The following CNRIP1 variants were observed in gnomAD, a reference collection of about 807,000 sequenced individuals.
The protein encoded by CNRIP1 is cannabinoid receptor interacting protein 1.
CNRIP1 carries 10 observed loss-of-function variants against 15.2 expected under a neutral mutation model. The observed-to-expected ratio is 0.66, with a 90% CI of 0.41 to 1.12. The LOEUF (loss-of-function observed/expected upper bound fraction) is 1.12, where lower values mean the gene tolerates loss of function less well. Ranked by LOEUF, CNRIP1 falls within the 50% of genes most tolerant of loss-of-function variation. The pLI is 0.00. For synonymous variants in CNRIP1, 91 were observed against 83.2 expected (o/e 1.09, Z -0.51); for missense variants, 211 against 214.7 (o/e 0.98, Z 0.11).
intron 2 of CNRIP1, among the ~76,000 whole-genome samples, chr2:68,308,916 C>T (rs1442058913): frequency 1.3e-5 from 2 of 151,806 alleles, no homozygotes; most frequent in East Asian, 1.9e-4. Context: ...ATTCAGAAAA[C>T]AGTCCGAAAA....
chr2:68,313,680 T>C (rs1672173766), intron 2 of CNRIP1, among the ~76,000 whole-genome samples: 1 of 152,166 alleles, frequency 6.6e-6, no homozygotes, highest in South Asian at 2.1e-4. Context: ...TTCAGGGTAA[T>C]AGAAGTGTTC....
At chr2:68,313,291 C>T (rs989748764) in intron 2 of CNRIP1, among the ~76,000 whole-genome samples, 3 of 152,100 alleles carry the variant, frequency 2.0e-5, no homozygotes, top group African/African-American at 7.2e-5. Context: ...CACAGATAAA[C>T]ACATACTTAC....
intron 2 of CNRIP1, among the ~76,000 whole-genome samples, chr2:68,313,296 AC>A (rs1672157456): frequency 1.3e-5 from 2 of 152,268 alleles, no homozygotes; most frequent in Admixed American, 1.3e-4. Flanking sequence ...ATAAACACAT[AC>A]TTACCATGTG....
At chr2:68,286,371 T>C (rs1671032958) in intron 2 of CNRIP1, among the ~76,000 whole-genome samples, 1 of 151,804 alleles carries the variant, frequency 6.6e-6, no homozygotes, top group African/African-American at 2.4e-5. Context: ...ATAGATCTAC[T>C]TCACACCAAA....
chr2:68,290,812 G>T (rs1032578831), downstream of CNRIP1, among the ~76,000 whole-genome samples: 1 of 152,174 alleles, frequency 6.6e-6, no homozygotes, highest in Non-Finnish European at 1.5e-5. Flanking sequence ...TAAATGGCTG[G>T]ATAAGTGACT....
rs546020163 is a variant in CNRIP1, at chr2:68,319,925, C to G, written c.-525G>C. On this transcript the variant is annotated 5_prime_UTR_variant, in exon 1 of 3. Coordinates refer to ENST00000263655, the MANE Select transcript of CNRIP1 (RefSeq NM_015463.3). The stretch of plus-strand genomic sequence containing the variant: ...GACCCCCGGAATCTGGATACCGCCT[C>G]GGCCAGCTACGTGAGGTGGACACTG... 6.6e-6 allele frequency: 1 copy of G among 152,494 alleles called. No homozygotes were observed. Among genetic ancestry groups the G allele is most frequent in the African/African-American group, 2.4e-5 (1 of 41,570 alleles). The allele number at this position is 152,494 out of a possible 1,614,324, so 9.4% of individuals were successfully genotyped here.
At chr2:68,284,487 G>A in intron 2 of CNRIP1, 1 of 1,535,086 alleles carries the variant, frequency 6.5e-7, no homozygotes, top group Non-Finnish European at 8.8e-7. Context: ...AGGCACTCCT[G>A]AAAATAAATA....
rs1671416828 is a variant in CNRIP1, at chr2:68,297,557, GAC to G, written c.331-3533_331-3532del. ...CATTTTAGCCTGGGCAACAGGGCAAGACACTGTCTCAAAAAAAAAAAAAAAAA... is the reference window on the plus strand; with the variant it reads ...CATTTTAGCCTGGGCAACAGGGCAAGACTGTCTCAAAAAAAAAAAAAAAAA... On this transcript the variant is annotated intron_variant, in intron 2 of 2. Coordinates refer to ENST00000263655, the MANE Select transcript of CNRIP1 (RefSeq NM_015463.3). Among the ~76,000 whole-genome samples, 2 of 93,100 alleles carry G rather than the reference GAC, an allele frequency of 2.1e-5. 1 individual carries two copies. The highest frequency in any genetic ancestry group is 6.5e-4 in the South Asian group (2 of 3,058). 61.1% of individuals were successfully genotyped at this position (93,100 alleles called of 152,430 possible).
downstream of CNRIP1, among the ~76,000 whole-genome samples, chr2:68,291,224 C>T (rs1278820998): frequency 1.3e-5 from 2 of 152,140 alleles, no homozygotes; most frequent in African/African-American, 2.4e-5. Context: ...TCCCTTGATT[C>T]AACCTTACTT....
chr2:68,310,677 A>G (rs1056540628), intron 2 of CNRIP1, among the ~76,000 whole-genome samples: 58 of 151,420 alleles, frequency 3.8e-4, no homozygotes, highest in African/African-American at 1.4e-3. Flanking sequence ...AAAAATTACG[A>G]GACATGTAAT....
intron 2 of CNRIP1, among the ~76,000 whole-genome samples, chr2:68,287,811 A>G (rs1671067470): frequency 6.6e-6 from 1 of 152,258 alleles, no homozygotes; most frequent in Non-Finnish European, 1.5e-5. Context: ...AACATTTGGT[A>G]AGCAGCACAA....
intron 2 of CNRIP1, among the ~76,000 whole-genome samples, chr2:68,295,803 AT>A (rs1671333875): frequency 6.6e-6 from 1 of 152,232 alleles, no homozygotes; most frequent in African/African-American, 2.4e-5. Context: ...CTGTATCTTG[AT>A]TGGGATGGTG....
intron 2 of CNRIP1, among the ~76,000 whole-genome samples, chr2:68,298,528 GTCTCAA>G (rs1446588356): frequency 6.6e-6 from 1 of 152,088 alleles, no homozygotes; most frequent in African/African-American, 2.4e-5. Flanking sequence ...ATTTTCAAAA[GTCTCAA>G]TCTAAGAATT....
At chr2:68,316,971 T>C (rs932219698) in intron 2 of CNRIP1, 186 bp downstream of exon 2, 16 of 725,088 alleles carry the variant, frequency 2.2e-5, no homozygotes, top group Non-Finnish European at 4.0e-5. Flanking sequence ...GGTCAGTCTG[T>C]CATGCAAAAG....
At chr2:68,291,253 A>G (rs1259152087), downstream of CNRIP1, among the ~76,000 whole-genome samples, 6 of 151,906 alleles carry the variant, frequency 3.9e-5, no homozygotes, top group Non-Finnish European at 5.9e-5. Flanking sequence ...AAGGAAACAC[A>G]TACACATACG....
At position 68,319,742 on chromosome 2, in the gene CNRIP1, G is replaced by A. The variant is rs1321193252; in HGVS notation, c.-342C>T. 2 of 273,704 alleles carry A rather than the reference G, an allele frequency of 7.3e-6. No individual in the cohort carries two copies. The highest frequency in any genetic ancestry group is 1.4e-5 in the Non-Finnish European group (2 of 143,036). 17.0% of individuals were successfully genotyped at this position (273,704 alleles called of 1,614,324 possible). A position where few individuals can be genotyped will look rare whatever the true frequency, so the allele number is the denominator to read the frequency against. ...GCCGCCGCGCAGATCCGCGCAGCTG[G>A]GGGCGAGGGAGTTAATCCTGTTTAC... On this transcript the variant is annotated 5_prime_UTR_variant, in exon 1 of 3. Transcript: ENST00000263655.
chr2:68,294,059 C>G (rs1158018748), intron 2 of CNRIP1, 33 bp from the exon 3 acceptor site: 3 of 1,605,502 alleles, frequency 1.9e-6, no homozygotes, highest in Non-Finnish European at 2.6e-6. Flanking sequence ...GATAAAAAAC[C>G]TCATTCTGCC....
Position 68,293,961 on chromosome 2 carries a change from A to G in CNRIP1, c.396T>C (p.Asp132=). The G allele has an allele frequency of 6.2e-7, 1 of 1,614,056 alleles. No homozygotes were observed. Residue 132 remains aspartate (D), a synonymous_variant, in exon 3 of 3, where the codon GAT becomes GAC. Coordinates refer to ENST00000263655, the MANE Select transcript of CNRIP1 (RefSeq NM_015463.3). ...AGAAGGGGCTTCCCCACTGGCAGTGATCCCGCTTGTGGTAATTGTAGAACT... is the reference window on the plus strand; with the variant it reads ...AGAAGGGGCTTCCCCACTGGCAGTGGTCCCGCTTGTGGTAATTGTAGAACT... ...QVKFYNYHKR[D]HCQWGSPFSV... is the part of the protein sequence containing the mutation.
chr2:68,285,414 G>C (rs1308123198), intron 2 of CNRIP1, among the ~76,000 whole-genome samples: 1 of 152,174 alleles, frequency 6.6e-6, no homozygotes, highest in Non-Finnish European at 1.5e-5. Flanking sequence ...ATTTTGCAGA[G>C]ACAATGGTAA....
Sources: gnomAD v4.1 joint callset for allele counts (sites outside exome capture counted in the v4.1 genomes callset) on GRCh38, gnomAD v4.1.1 for gene constraint, MANE v1.5 for transcripts, NCBI Gene and HGNC (gene_info 2026-07-23, HGNC 2026-07-21) for gene names.